Variants in LRP1B observed in about 807,000 individuals in gnomAD.
LRP1B encodes the protein low-density lipoprotein receptor-related protein 1B.
LRP1B carries 217 observed loss-of-function variants against 556.6 expected under a neutral mutation model. The observed-to-expected ratio is 0.39, with a 90% CI of 0.35 to 0.44. The LOEUF (loss-of-function observed/expected upper bound fraction) is 0.44. Among genes scored for constraint, LRP1B ranks in the 20% least tolerant of loss-of-function variants. LRP1B has a pLI of 1.00. For synonymous variants in LRP1B, 2,047 were observed against 1,865.8 expected, an observed-to-expected ratio of 1.10 and a Z score of -2.50; for missense variants, 5,053 against 5,620.8, an observed-to-expected ratio of 0.90 and a Z score of 3.23.
chr2:140,347,463 C>CAA (rs71408450), intron 77 of LRP1B, among the ~76,000 whole-genome samples: 3 of 135,880 alleles, frequency 2.2e-5, no homozygotes, highest in African/African-American at 2.7e-5. Flanking sequence ...TCACAATTTC[C>CAA]AAAAAAAAAA....
chr2:141,726,512 T>C (rs1693043255), intron 2 of LRP1B, among the ~76,000 whole-genome samples: 2 of 152,030 alleles, frequency 1.3e-5, no homozygotes, highest in South Asian at 4.1e-4. Context: ...TTATAGTGAA[T>C]TGGGGTAACA....
chr2:140,920,175 T>C (rs1694695783), intron 21 of LRP1B, among the ~76,000 whole-genome samples: 2 of 152,018 alleles, frequency 1.3e-5, no homozygotes, highest in Admixed American at 6.6e-5. Flanking sequence ...TCCCCACTTA[T>C]AATACAACTG....
In LRP1B at chr2:140,335,834, G is replaced by C. The variant is rs2105087286; in HGVS notation, c.11897C>G (p.Pro3966Arg). Residue 3966 changes from proline (P) to arginine (R), a missense_variant, in exon 78 of 91, where the codon CCT becomes CGT. Physicochemically the swap from Pro to Arg is moderately radical, Grantham distance 103. This residue lies in a region of LRP1B where 599 missense variants were observed against 648.4 expected (regional missense o/e 0.92). Transcript: ENST00000389484. The part of the protein sequence containing the change: ...KRQANSGLIC[P>R]EFKRPRDIAV... The stretch of plus-strand genomic sequence containing the variant: ...AATGTCCCTGGGCCTTTTAAATTCA[G>C]GACACTACAAGGAAACAAAACAACA... The C allele has an allele frequency of 6.2e-7, 1 of 1,602,994 alleles. No homozygotes were observed. Among genetic ancestry groups the C allele is most frequent in the Non-Finnish European group, 8.5e-7 (1 of 1,171,436 alleles).
chr2:142,027,320 A>C (rs909606158), intron 1 of LRP1B, among the ~76,000 whole-genome samples: 2 of 151,346 alleles, frequency 1.3e-5, no homozygotes, highest in African/African-American at 4.8e-5. Context: ...TTTTCCAAAT[A>C]CTATATTAGA....
At chr2:140,372,180 A>G (rs1417756279) in intron 69 of LRP1B, among the ~76,000 whole-genome samples, 1 of 152,058 alleles carries the variant, frequency 6.6e-6, no homozygotes, top group Admixed American at 6.6e-5. Context: ...GGGATACTAA[A>G]AAGCTTTTTC....
intron 2 of LRP1B, among the ~76,000 whole-genome samples, chr2:141,609,219 A>G (rs1056839428): frequency 2.6e-5 from 4 of 152,172 alleles, no homozygotes; most frequent in Non-Finnish European, 4.4e-5. Context: ...CAAGTTACCA[A>G]CATAATTGGC....
At chr2:141,022,085 T>G (rs1194537077) in intron 11 of LRP1B, among the ~76,000 whole-genome samples, 3 of 151,756 alleles carry the variant, frequency 2.0e-5, no homozygotes, top group Non-Finnish European at 4.4e-5. Flanking sequence ...TAACTTTAAC[T>G]AAAAATAGTA....
In LRP1B at chr2:140,700,572, A is replaced by G. The variant is rs1352862947; in HGVS notation, c.6477T>C (p.Leu2159=). ...AAGTTCTCCGGGAATTTCCTCGATA[A>G]AGACAGAGTTGCTTACAGCCACCAT... ...RDNGGCKQLC[L]YRGNSRRTCA... Residue 2159 remains leucine (L), a synonymous_variant, in exon 41 of 91, where the codon CTT becomes CTC. Transcript: ENST00000389484. 1 of 1,613,552 alleles carries G rather than the reference A, an allele frequency of 6.2e-7. No individual in the cohort carries two copies. The highest frequency in any genetic ancestry group is 8.5e-7 in the Non-Finnish European group (1 of 1,179,656).
chr2:141,319,717 T>C (rs1687168407), intron 3 of LRP1B, among the ~76,000 whole-genome samples: 1 of 152,226 alleles, frequency 6.6e-6, no homozygotes, highest in East Asian at 1.9e-4. Context: ...GTGTTCTTGA[T>C]CCATAGTCTG....
At chr2:140,768,900 A>G (rs936576347) in intron 35 of LRP1B, among the ~76,000 whole-genome samples, 5 of 151,914 alleles carry the variant, frequency 3.3e-5, no homozygotes, top group Middle Eastern at 3.2e-3. Context: ...ATGTCCTTAT[A>G]TTTATAACTA....
At chr2:142,013,660 A>C (rs893966131) in intron 1 of LRP1B, among the ~76,000 whole-genome samples, 1 of 152,206 alleles carries the variant, frequency 6.6e-6, no homozygotes, top group Non-Finnish European at 1.5e-5. Context: ...AGGATGATAA[A>C]TAAAACTTGG....
At chr2:140,632,095 G>A (rs994513752) in intron 41 of LRP1B, among the ~76,000 whole-genome samples, 2 of 152,084 alleles carry the variant, frequency 1.3e-5, no homozygotes, top group African/African-American at 2.4e-5. Flanking sequence ...TTTCTCAAAC[G>A]AGCAGAATCT....
chr2:140,253,401 G>T (rs1558927810), intron 86 of LRP1B, among the ~76,000 whole-genome samples: 1 of 151,910 alleles, frequency 6.6e-6, no homozygotes, highest in Non-Finnish European at 1.5e-5. Flanking sequence ...GGCCATGAAA[G>T]AAATAAAATT....
At chr2:140,673,944 CTTT>C (rs150017745) in intron 41 of LRP1B, among the ~76,000 whole-genome samples, 29 of 140,876 alleles carry the variant, frequency 2.1e-4, no homozygotes, top group Admixed American at 8.4e-4. Flanking sequence ...TTTCTTTTTT[CTTT>C]TTTTTTTTTT....
At chr2:141,398,881 G>A (rs1690344827) in intron 3 of LRP1B, among the ~76,000 whole-genome samples, 1 of 152,176 alleles carries the variant, frequency 6.6e-6, no homozygotes, top group Non-Finnish European at 1.5e-5. Context: ...AGAAGTTACA[G>A]ACACTAAGCC....
At chr2:141,428,175 G>A (rs1412468761) in intron 3 of LRP1B, among the ~76,000 whole-genome samples, 4 of 152,158 alleles carry the variant, frequency 2.6e-5, no homozygotes, top group East Asian at 3.9e-4. Context: ...GTTTCAGCAT[G>A]TATTAAATAA....
At chr2:141,486,353 A>C (rs1269632390) in intron 2 of LRP1B, among the ~76,000 whole-genome samples, 1 of 152,194 alleles carries the variant, frequency 6.6e-6, no homozygotes, top group East Asian at 1.9e-4. Flanking sequence ...ATTCATCTGT[A>C]TACTTCTGAA....
chr2:140,700,390 T>C lies in LRP1B; in HGVS notation c.6659A>G (p.Tyr2220Cys). 6.2e-7 allele frequency: 1 copy of C among 1,613,438 alleles called. No individual in the cohort carries two copies. The change falls in exon 41 of 91, where the codon TAT becomes TGT. Residue 2220 changes from tyrosine to cysteine, a missense_variant. Coordinates refer to ENST00000389484, the MANE Select transcript of LRP1B (RefSeq NM_018557.3). ...AGCCAAGGCTATGACATTCTTGAAA[T>C]AACGTGGATTCTCATATGGCCTTAT... ...SPIRPYENPR[Y>C]FKNVIALAFD...
rs544217586 is a variant in LRP1B at position 140,816,717 on chromosome 2, A to T, written c.5210-2911T>A. On this transcript the variant is annotated intron_variant, in intron 31 of 90. Transcript: ENST00000389484. ...CTTGGGTGCATTTATTCTCAGGTTC[A>T]TAAAATAGAATTGCAAAGCTTTACA... Among the ~76,000 whole-genome samples, 4 of 152,212 alleles carry T rather than the reference A, an allele frequency of 2.6e-5. No homozygotes were observed. In the South Asian group the frequency reaches 8.3e-4, roughly 32 times the overall value.
Sources: allele counts gnomAD v4.1 joint callset (sites outside exome capture counted in the v4.1 genomes callset), GRCh38; gene constraint gnomAD v4.1.1; regional missense constraint gnomAD v4.1.1; transcripts MANE v1.5; gene names NCBI Gene and HGNC (gene_info 2026-07-23, HGNC 2026-07-21).